LRRIQ1: variants seen among roughly 807,000 people sequenced by gnomAD.
The protein encoded by LRRIQ1 is leucine rich repeats and IQ motif containing 1, also known as leucine-rich repeat- and IQ domain-containing protein 1.
Under a neutral mutation model 211.9 loss-of-function variants are expected in LRRIQ1, and 210 were observed. The observed-to-expected ratio is 0.99, with a 90% CI of 0.89 to 1.11. The LOEUF (loss-of-function observed/expected upper bound fraction) is 1.11, where lower values mean the gene tolerates loss of function less well. Ranked by LOEUF, LRRIQ1 falls within the 50% of genes most tolerant of loss-of-function variation. The pLI, the probability that LRRIQ1 is intolerant of heterozygous loss-of-function variation, is 0.00. For missense variants in LRRIQ1, 2,136 were observed against 1,939.5 expected, an observed-to-expected ratio of 1.10 and a Z score of -1.90; for synonymous variants, 699 against 650.1, an observed-to-expected ratio of 1.08 and a Z score of -1.14.
intron 11 of LRRIQ1, among the ~76,000 whole-genome samples, chr12:85,074,684 C>T (rs1468374861): frequency 6.6e-6 from 1 of 151,838 alleles, no homozygotes; most frequent in Non-Finnish European, 1.5e-5. Context: ...TCATGTTGTC[C>T]TTTGTTTGAA....
intron 24 of LRRIQ1, chr12:85,162,828 A>G (rs1428871397): frequency 2.2e-6 from 1 of 455,612 alleles, no homozygotes; most frequent in Non-Finnish European, 4.4e-6. Flanking sequence ...CATTAATTTC[A>G]CTGAATGAGT....
chr12:85,085,033 A>G (rs997762091), intron 11 of LRRIQ1, among the ~76,000 whole-genome samples: 1 of 152,180 alleles, frequency 6.6e-6, no homozygotes, highest in Admixed American at 6.5e-5. Context: ...CTTGTCAATT[A>G]TGGTTGTAAC....
Position 85,070,433 on chromosome 12 carries a change from C to A in LRRIQ1, c.2696-2474C>A, listed in dbSNP as rs565865474. On this transcript the variant is annotated intron_variant, in intron 10 of 26. Transcript: ENST00000393217. ...CTTCCACAGCCTTTAAGCTGGAATTCTTTAATCAATTAGAACTATTTTGTT... is the reference window on the plus strand; with the variant it reads ...CTTCCACAGCCTTTAAGCTGGAATTATTTAATCAATTAGAACTATTTTGTT... Among the ~76,000 whole-genome samples the A allele has an allele frequency of 2.6e-5, 4 of 152,020 alleles. No individual in the cohort carries two copies. In the South Asian group the frequency reaches 6.2e-4, roughly 24 times the overall value.
In LRRIQ1 at chr12:85,057,024, C is replaced by T. The variant is rs1881192517; in HGVS notation, c.2231C>T (p.Ala744Val). The T allele has an allele frequency of 6.2e-7, 1 of 1,606,436 alleles. No individual in the cohort carries two copies. The highest frequency in any genetic ancestry group is 1.7e-5 in the Admixed American group (1 of 58,386). Residue 744 changes from alanine to valine, a missense_variant, in exon 8 of 27, where the codon GCC becomes GTC. Transcript: ENST00000393217. ...LLYSIEERRL[A>V]WIKSFKPWLE... Reference sequence around the variant, plus strand: ...TATTCTATTGAAGAAAGGAGACTAGCCTGGATAAAATCATTTAAACCTTGG... The same window carrying T: ...TATTCTATTGAAGAAAGGAGACTAGTCTGGATAAAATCATTTAAACCTTGG...
intron 15 of LRRIQ1, 45 bp from the exon 16 acceptor site, chr12:85,121,652 C>T (rs770949595): frequency 4.9e-6 from 7 of 1,418,444 alleles, no homozygotes; most frequent in East Asian, 2.4e-5. Context: ...TACATACTCT[C>T]CTTATCAAGA....
At chr12:85,037,206 A>T (rs1878231139) in intron 1 of LRRIQ1, among the ~76,000 whole-genome samples, 1 of 152,116 alleles carries the variant, frequency 6.6e-6, no homozygotes, top group Non-Finnish European at 1.5e-5. Flanking sequence ...TGCTAATAGA[A>T]AATTTAAACT....
intron 1 of LRRIQ1, among the ~76,000 whole-genome samples, chr12:85,253,270 A>G (rs1056670624): frequency 2.5e-4 from 38 of 152,062 alleles, no homozygotes; most frequent in African/African-American, 8.9e-4. Context: ...ACATAAATAC[A>G]TGGTTCACTG....
At chr12:85,044,412 A>G (rs906908241) in intron 3 of LRRIQ1, among the ~76,000 whole-genome samples, 2 of 152,024 alleles carry the variant, frequency 1.3e-5, no homozygotes, top group Non-Finnish European at 2.9e-5. Flanking sequence ...TCTAATCAAG[A>G]TGCCGTTGCA....
At chr12:85,198,740 T>C (rs1893140601) in intron 24 of LRRIQ1, among the ~76,000 whole-genome samples, 1 of 152,086 alleles carries the variant, frequency 6.6e-6, no homozygotes, top group African/African-American at 2.4e-5. Flanking sequence ...GCTAATTTTT[T>C]TGTATTTTTA....
chr12:85,138,556 G>T (rs890779391), intron 19 of LRRIQ1, among the ~76,000 whole-genome samples: 5 of 151,456 alleles, frequency 3.3e-5, no homozygotes, highest in Non-Finnish European at 3.0e-5. Flanking sequence ...ATCACTGCAG[G>T]AAGGTGATGA....
At chr12:85,099,267 G>A (rs1226753971) in intron 13 of LRRIQ1, among the ~76,000 whole-genome samples, 1 of 151,460 alleles carries the variant, frequency 6.6e-6, no homozygotes, top group Non-Finnish European at 1.5e-5. Flanking sequence ...AATCTCTCAG[G>A]GAAGATTTGT....
intron 23 of LRRIQ1, among the ~76,000 whole-genome samples, chr12:85,155,595 C>A (rs1890498015): frequency 6.6e-6 from 1 of 151,542 alleles, no homozygotes; most frequent in African/African-American, 2.4e-5. Context: ...GGGGCAAGTT[C>A]AAATATCAGA....
intron 24 of LRRIQ1, among the ~76,000 whole-genome samples, chr12:85,224,190 A>T (rs1464972124): frequency 6.6e-6 from 1 of 152,184 alleles, no homozygotes; most frequent in African/African-American, 2.4e-5. Flanking sequence ...AATCAAAACC[A>T]CAGTGAGATA....
At chr12:85,062,319 C>T (rs1199789853) in intron 8 of LRRIQ1, among the ~76,000 whole-genome samples, 1 of 151,714 alleles carries the variant, frequency 6.6e-6, no homozygotes, top group Non-Finnish European at 1.5e-5. Flanking sequence ...GCATAGTACC[C>T]AGTAGGTAGT....
intron 3 of LRRIQ1, among the ~76,000 whole-genome samples, chr12:85,043,638 C>A (rs980329822): frequency 2.2e-5 from 2 of 91,504 alleles, no homozygotes; most frequent in African/African-American, 2.0e-4. Context: ...TTGGGAGAAA[C>A]ATCTTTGTTT....
At position 85,121,885 on chromosome 12, in the gene LRRIQ1, G is replaced by GTGATCTTCCCAT. The variant is rs1888015510; in HGVS notation, c.3557+14_3557+25dup. 6.3e-7 allele frequency: 1 copy of GTGATCTTCCCAT among 1,575,680 alleles called. No individual in the cohort carries two copies. Among genetic ancestry groups the GTGATCTTCCCAT allele is most frequent in the African/African-American group, 1.4e-5 (1 of 73,370 alleles). On this transcript the variant is annotated intron_variant, in intron 16 of 26. Transcript: ENST00000393217. ...TATATAACTGGAAAAGGGTAAGATT[G>GTGATCTTCCCAT]TGATCTTCCCATTGATGTATTTAGA...
At chr12:85,137,340 A>G (rs1157281506) in intron 18 of LRRIQ1, among the ~76,000 whole-genome samples, 1 of 151,498 alleles carries the variant, frequency 6.6e-6, no homozygotes, top group Non-Finnish European at 1.5e-5. Flanking sequence ...CTCCAGGATT[A>G]CTGAGGAATC....
chr12:85,101,673 C>T (rs1022085626), intron 13 of LRRIQ1, among the ~76,000 whole-genome samples: 8 of 151,622 alleles, frequency 5.3e-5, no homozygotes, highest in African/African-American at 1.9e-4. Flanking sequence ...TTCTACCATC[C>T]TAATGAATAG....
intron 24 of LRRIQ1, among the ~76,000 whole-genome samples, chr12:85,221,953 C>A (rs1894426129): frequency 6.6e-6 from 1 of 152,018 alleles, no homozygotes; most frequent in Non-Finnish European, 1.5e-5. Context: ...TGCAGTAATT[C>A]AGTAGAAACA....
Sources: allele counts gnomAD v4.1 joint callset (sites outside exome capture counted in the v4.1 genomes callset), GRCh38; gene constraint gnomAD v4.1.1; transcripts MANE v1.5; gene names NCBI Gene and HGNC (gene_info 2026-07-23, HGNC 2026-07-21).